Variants in ACOT4 observed in about 807,000 individuals in gnomAD.
ACOT4 encodes acyl-CoA thioesterase 4.
Under a neutral mutation model 17.1 loss-of-function variants are expected in ACOT4, and 18 were observed. The observed-to-expected ratio is 1.05, with a 90% CI of 0.73 to 1.56. The LOEUF (loss-of-function observed/expected upper bound fraction) is 1.56. ACOT4 is among the 40% of genes most tolerant of loss of function. The pLI is 0.00. For synonymous variants in ACOT4, 234 were observed against 236.6 expected (o/e 0.99, Z 0.10); for missense variants, 574 against 557.2 (o/e 1.03, Z -0.30).
chr14:73,593,771 G>C lies in ACOT4; in HGVS notation c.527G>C (p.Ser176Thr), dbSNP rs766094158. 14 of 1,613,876 alleles carry C rather than the reference G, an allele frequency of 8.7e-6. No individual in the cohort carries two copies. Among genetic ancestry groups the C allele is most frequent in the Admixed American group, 3.3e-5 (2 of 59,988 alleles). ...IGGGLLEYRA[S>T]LLAGHGFATL... is the part of the protein sequence containing the mutation. ...GGGGGCCTCTTGGAATATCGAGCCAGCCTCCTTGCTGGCCATGGCTTTGCC... is the reference window on the plus strand; with the variant it reads ...GGGGGCCTCTTGGAATATCGAGCCACCCTCCTTGCTGGCCATGGCTTTGCC... The change falls in exon 2 of 3, where the codon AGC (serine) becomes ACC (threonine). Residue 176 changes from serine to threonine, a missense_variant. Physicochemically the swap from Ser to Thr is moderately conservative, Grantham distance 58. Coordinates refer to ENST00000326303, the MANE Select transcript of ACOT4 (RefSeq NM_152331.4).
chr14:73,592,945 A>G (rs768365235), intron 1 of ACOT4, among the ~76,000 whole-genome samples: 5 of 152,230 alleles, frequency 3.3e-5, no homozygotes, highest in Admixed American at 1.3e-4. Flanking sequence ...TAATATCCCA[A>G]TGAAGTTGGT....
rs35909515 is a variant in ACOT4, at chr14:73,593,868, C to G, written c.624C>G (p.Phe208Leu). The change falls in exon 2 of 3, where the codon TTC becomes TTG. Residue 208 changes from phenylalanine (F) to leucine (L), a missense_variant. Coordinates refer to ENST00000326303, the MANE Select transcript of ACOT4 (RefSeq NM_152331.4). ...NNMDNISLEY[F>L]EEAVCYMLQH... ...TGGACAACATATCCCTGGAGTACTT[C>G]GAAGAAGCCGTATGCTACATGCTTC... The G allele has an allele frequency of 1.2e-6, 2 of 1,613,718 alleles. No homozygotes were observed. Among genetic ancestry groups the G allele is most frequent in the Admixed American group, 1.7e-5 (1 of 59,956 alleles).
Position 73,592,313 on chromosome 14 carries a change from G to T in ACOT4, c.354G>T (p.Arg118=), listed in dbSNP as rs1566865471. 1 of 1,610,728 alleles carries T rather than the reference G, an allele frequency of 6.2e-7. No homozygotes were observed. The highest frequency in any genetic ancestry group is 8.5e-7 in the Non-Finnish European group (1 of 1,178,564). Residue 118 remains arginine, a synonymous_variant, in exon 1 of 3, where the codon CGG becomes CGT. Coordinates refer to ENST00000326303, the MANE Select transcript of ACOT4 (RefSeq NM_152331.4). ...ACGGCCACGACCCCGAGCCTGGACGGCTGCTGTGCCAGGCGCAGCACGAGC... is the reference window on the plus strand; with the variant it reads ...ACGGCCACGACCCCGAGCCTGGACGTCTGCTGTGCCAGGCGCAGCACGAGC... ...VLDGHDPEPG[R]LLCQAQHERH...
intron 2 of ACOT4, among the ~76,000 whole-genome samples, chr14:73,594,792 C>G (rs1440835485): frequency 1.3e-5 from 2 of 152,158 alleles, no homozygotes; most frequent in Non-Finnish European, 2.9e-5. Context: ...CCTCCGCCTC[C>G]TGGGCTCAAG....
In ACOT4 at chr14:73,591,894, C is replaced by A. The variant is rs550693997; in HGVS notation, c.-66C>A. 2 of 1,314,844 alleles carry A rather than the reference C, an allele frequency of 1.5e-6. No individual in the cohort carries two copies. The highest frequency in any genetic ancestry group is 6.3e-5 in the East Asian group (2 of 31,896). The allele number at this position is 1,314,844 out of a possible 1,614,324, so 81.4% of individuals were successfully genotyped here. On this transcript the variant is annotated 5_prime_UTR_variant, in exon 1 of 3. Transcript: ENST00000326303. The stretch of plus-strand genomic sequence containing the variant: ...CGCCGGACGCCGTCCGGACATTCGG[C>A]GCGCTTGCCACGATCTTGGACGGGT...
At position 73,592,007 on chromosome 14, in the gene ACOT4, C is replaced by G. The variant is rs573072624; in HGVS notation, c.48C>G (p.Asn16Lys). ...ILEPPGRCCW[N>K]EPVRIAVRGL... Reference sequence around the variant, plus strand: ...AGCCCCCAGGCCGCTGCTGCTGGAACGAGCCGGTGCGCATTGCCGTGCGCG... The same window carrying G: ...AGCCCCCAGGCCGCTGCTGCTGGAAGGAGCCGGTGCGCATTGCCGTGCGCG... Residue 16 changes from asparagine (N) to lysine (K), a missense_variant, in exon 1 of 3, where the codon AAC (asparagine) becomes AAG (lysine). By Grantham distance (94) the Asn-to-Lys change is moderately conservative. Transcript: ENST00000326303. The G allele has an allele frequency of 5.7e-5, 82 of 1,429,616 alleles. No individual in the cohort carries two copies. Among genetic ancestry groups the G allele is most frequent in the Admixed American group, 1.3e-4 (4 of 29,840 alleles). 88.6% of individuals were successfully genotyped at this position (1,429,616 alleles called of 1,614,324 possible).
intron 2 of ACOT4, 64 bp from the exon 3 acceptor site, chr14:73,594,985 A>G: frequency 1.3e-6 from 2 of 1,579,428 alleles, no homozygotes; most frequent in African/African-American, 1.3e-5. Flanking sequence ...GATTACAGGC[A>G]TGAGCCACCG....
Position 73,595,751 on chromosome 14 carries a change from A to G in ACOT4, c.*97A>G. ...ATGTCTCCTGGATAACATTAAAGCC[A>G]TGTCTTTGTCATTAATGGTGTATTT... On this transcript the variant is annotated 3_prime_UTR_variant, in exon 3 of 3. Coordinates refer to ENST00000326303, the MANE Select transcript of ACOT4 (RefSeq NM_152331.4). 7.3e-7 allele frequency: 1 copy of G among 1,371,460 alleles called. No individual in the cohort carries two copies. The highest frequency in any genetic ancestry group is 9.6e-7 in the Non-Finnish European group (1 of 1,036,450). The allele number at this position is 1,371,460 out of a possible 1,614,324, so 85.0% of individuals were successfully genotyped here.
chr14:73,593,912 T>G lies in ACOT4; in HGVS notation c.660+8T>G, dbSNP rs1197084473. On this transcript the variant is annotated splice_region_variant and intron_variant, in intron 2 of 2. Transcript: ENST00000326303. ...ATGCTTCAACATCCCCAGGTTCTCC[T>G]CATGTCCTTTATTTAATCAGTCTCT... The G allele has an allele frequency of 6.2e-7, 1 of 1,602,514 alleles. No individual in the cohort carries two copies. Among genetic ancestry groups the G allele is most frequent in the Non-Finnish European group, 8.5e-7 (1 of 1,172,338 alleles).
rs1251156244 is a variant in ACOT4 at position 73,593,907 on chromosome 14, T to C, written c.660+3T>C. 3.1e-6 allele frequency: 5 copies of C among 1,607,160 alleles called. No individual in the cohort carries two copies. In the South Asian group the frequency reaches 5.5e-5, roughly 18 times the overall value. On this transcript the variant is annotated splice_donor_region_variant and intron_variant, in intron 2 of 2. Transcript: ENST00000326303. ...GCTACATGCTTCAACATCCCCAGGT[T>C]CTCCTCATGTCCTTTATTTAATCAG...
rs368078748 is a variant in ACOT4 at position 73,595,286 on chromosome 14, G to A, written c.898G>A (p.Val300Ile). ...CATTGTGGATATAAGGAATGCTCTC[G>A]TAGGAGGGTACAAGAACCCCAGCAT... ...VDIVDIRNAL[V>I]GGYKNPSMIP... The change falls in exon 3 of 3, where the codon GTA becomes ATA. Residue 300 changes from valine to isoleucine, a missense_variant. Val to Ile is a conservative substitution (Grantham distance 29). Transcript: ENST00000326303. 48 of 1,614,072 alleles carry A rather than the reference G, an allele frequency of 3.0e-5. No homozygotes were observed. Among genetic ancestry groups the A allele is most frequent in the Non-Finnish European group, 3.6e-5 (42 of 1,180,036 alleles).
At chr14:73,594,568 GA>G (rs1185548387) in intron 2 of ACOT4, among the ~76,000 whole-genome samples, 1 of 152,228 alleles carries the variant, frequency 6.6e-6, no homozygotes, top group East Asian at 1.9e-4. Flanking sequence ...CACATGGGAA[GA>G]AACTCCCCTG....
intron 1 of ACOT4, 62 bp from the exon 2 acceptor site, chr14:73,593,640 G>C (rs1266311098): frequency 5.4e-6 from 8 of 1,482,766 alleles, no homozygotes; most frequent in Middle Eastern, 2.5e-4. Context: ...ACAGTGTCCA[G>C]CCAGGAAAGC....
Position 73,592,492 on chromosome 14 carries a change from C to T in ACOT4, c.457+76C>T, listed in dbSNP as rs546649828. 3.9e-5 allele frequency: 55 copies of T among 1,414,412 alleles called. No individual in the cohort carries two copies. In the South Asian group the frequency reaches 5.1e-4, roughly 13 times the overall value. 87.6% of individuals were successfully genotyped at this position (1,414,412 alleles called of 1,614,324 possible). ...GTTTGTTTCCAGTGCTGATTTAGCA[C>T]TGGTTTGGTTTTGGAGCAAGATCAG... On this transcript the variant is annotated intron_variant, in intron 1 of 2. Coordinates refer to ENST00000326303, the MANE Select transcript of ACOT4 (RefSeq NM_152331.4).
chr14:73,594,533 G>T (rs1261230488), intron 2 of ACOT4, among the ~76,000 whole-genome samples: 1 of 152,156 alleles, frequency 6.6e-6, no homozygotes, highest in Non-Finnish European at 1.5e-5. Context: ...AGATGTGTTT[G>T]CCATGTGTTC....
In ACOT4 at chr14:73,592,036, T is replaced by C. The variant is rs558779035; in HGVS notation, c.77T>C (p.Leu26Pro). The part of the protein sequence containing the change: ...NEPVRIAVRG[L>P]APEQRVTLRA... ...CCGGTGCGCATTGCCGTGCGCGGCC[T>C]GGCCCCGGAGCAGCGGGTTACGCTG... The change falls in exon 1 of 3, where the codon CTG (leucine) becomes CCG (proline). Residue 26 changes from leucine to proline, a missense_variant. Coordinates refer to ENST00000326303, the MANE Select transcript of ACOT4 (RefSeq NM_152331.4). 5 of 1,454,816 alleles carry C rather than the reference T, an allele frequency of 3.4e-6. No individual in the cohort carries two copies. In the South Asian group the frequency reaches 5.6e-5, roughly 16 times the overall value. The allele number at this position is 1,454,816 out of a possible 1,614,324, so 90.1% of individuals were successfully genotyped here. A position where few individuals can be genotyped will look rare whatever the true frequency, so the allele number is the denominator to read the frequency against.
Position 73,591,892 on chromosome 14 carries a change from G to A in ACOT4, c.-68G>A, listed in dbSNP as rs962002232. Reference sequence around the variant, plus strand: ...GACGCCGGACGCCGTCCGGACATTCGGCGCGCTTGCCACGATCTTGGACGG... The same window carrying A: ...GACGCCGGACGCCGTCCGGACATTCAGCGCGCTTGCCACGATCTTGGACGG... On this transcript the variant is annotated 5_prime_UTR_variant, in exon 1 of 3. Transcript: ENST00000326303. 41 of 1,314,446 alleles carry A rather than the reference G, an allele frequency of 3.1e-5. No homozygotes were observed. Among genetic ancestry groups the A allele is most frequent in the Non-Finnish European group, 3.9e-5 (40 of 1,027,262 alleles). The allele number at this position is 1,314,446 out of a possible 1,614,324, so 81.4% of individuals were successfully genotyped here. A position where few individuals can be genotyped will look rare whatever the true frequency, so the allele number is the denominator to read the frequency against.
Position 73,593,752 on chromosome 14 carries a change from C to G in ACOT4, c.508C>G (p.Leu170Val), listed in dbSNP as rs993771582. The G allele has an allele frequency of 2.5e-6, 4 of 1,613,774 alleles. 1 individual carries two copies. Among genetic ancestry groups the G allele is most frequent in the Admixed American group, 3.3e-5 (2 of 59,994 alleles). Reference protein sequence around the residue: ...IIDIFGIGGGLLEYRASLLAG... With the variant: ...IIDIFGIGGGVLEYRASLLAG... The stretch of plus-strand genomic sequence containing the variant: ...TGACATCTTTGGTATTGGAGGGGGC[C>G]TCTTGGAATATCGAGCCAGCCTCCT... Residue 170 changes from leucine to valine, a missense_variant, in exon 2 of 3, where the codon CTC (leucine) becomes GTC (valine). Coordinates refer to ENST00000326303, the MANE Select transcript of ACOT4 (RefSeq NM_152331.4).
At position 73,595,109 on chromosome 14, in the gene ACOT4, A is replaced by G. The variant is rs750467669; in HGVS notation, c.721A>G (p.Met241Val). The G allele has an allele frequency of 1.9e-6, 3 of 1,614,174 alleles. No individual in the cohort carries two copies. Among genetic ancestry groups the G allele is most frequent in the African/African-American group, 1.3e-5 (1 of 75,058 alleles). The change falls in exon 3 of 3, where the codon ATG becomes GTG. Residue 241 changes from methionine (M) to valine (V), a missense_variant. Coordinates refer to ENST00000326303, the MANE Select transcript of ACOT4 (RefSeq NM_152331.4). ...TCTAGGAGCTGATATTTGTCTCTCA[A>G]TGGCCTCATTCTTGAAGAATGTCTC... ...ISLGADICLS[M>V]ASFLKNVSAT...
Sources: gnomAD v4.1 joint callset for allele counts (sites outside exome capture counted in the v4.1 genomes callset) on GRCh38, gnomAD v4.1.1 for gene constraint, MANE v1.5 for transcripts, NCBI Gene and HGNC (gene_info 2026-07-23, HGNC 2026-07-21) for gene names.